SLC1A2: variants seen among roughly 807,000 people sequenced by gnomAD.
SLC1A2 encodes solute carrier family 1 member 2.
Under a neutral mutation model 48.8 loss-of-function variants are expected in SLC1A2, and 15 were observed. The observed-to-expected ratio is 0.31, with a 90% confidence interval of 0.21 to 0.47. The LOEUF (loss-of-function observed/expected upper bound fraction) is 0.47, where lower values mean the gene tolerates loss of function less well. Among genes scored for constraint, SLC1A2 ranks in the 20% least tolerant of loss-of-function variants. The probability of loss-of-function intolerance (pLI) is 0.99; values close to 1 mark genes in which losing one functional copy is unlikely to be tolerated. For synonymous variants in SLC1A2, 279 were observed against 272.6 expected, an observed-to-expected ratio of 1.02 and a Z score of -0.23; for missense variants, 502 against 730.5, an observed-to-expected ratio of 0.69 and a Z score of 3.61.
At chr11:35,352,642 C>A (rs1011555208) in intron 1 of SLC1A2, among the ~76,000 whole-genome samples, 1 of 152,192 alleles carries the variant, frequency 6.6e-6, no homozygotes, top group African/African-American at 2.4e-5. Flanking sequence ...TATTCTCACC[C>A]CTGTCTAGAA....
chr11:35,360,841 C>T (rs1004261593), intron 1 of SLC1A2, among the ~76,000 whole-genome samples: 2 of 152,186 alleles, frequency 1.3e-5, no homozygotes, highest in South Asian at 4.2e-4. Context: ...CACTAATCAC[C>T]TAAAATGTTC....
chr11:35,361,170 C>G (rs917458927), intron 1 of SLC1A2, among the ~76,000 whole-genome samples: 1 of 152,170 alleles, frequency 6.6e-6, no homozygotes, highest in African/African-American at 2.4e-5. Context: ...GCCACCATGA[C>G]TGGCCTGCTC....
chr11:35,261,806 AC>A (rs760342821), intron 10 of SLC1A2: 1 of 398,430 alleles, frequency 2.5e-6, no homozygotes, highest in Non-Finnish European at 4.4e-6. Flanking sequence ...AAGAAATCTG[AC>A]TTTCTTCTTA....
intron 1 of SLC1A2, among the ~76,000 whole-genome samples, chr11:35,341,323 A>G (rs1425623081): frequency 6.6e-6 from 1 of 152,176 alleles, no homozygotes; most frequent in Non-Finnish European, 1.5e-5. Context: ...AGTATTTACT[A>G]CCTACCAATA....
intron 9 of SLC1A2, among the ~76,000 whole-genome samples, chr11:35,271,788 A>G (rs1850286660): frequency 6.6e-6 from 1 of 152,176 alleles, no homozygotes; most frequent in African/African-American, 2.4e-5. Context: ...GGTTGCAGTG[A>G]GCCATGATAG....
At position 35,256,786 on chromosome 11, in the gene SLC1A2, T is replaced by A. The variant is rs12361171; in HGVS notation, c.*4108A>T. 50,694 of 151,260 alleles carry A rather than the reference T, an allele frequency of 0.34. 9,473 individuals carry two copies. Among genetic ancestry groups the A allele is most frequent in the South Asian group, 0.54 (2,570 of 4,792 alleles). 9.4% of individuals were successfully genotyped at this position (151,260 alleles called of 1,614,324 possible). On this transcript the variant is annotated 3_prime_UTR_variant, in exon 11 of 11. Transcript: ENST00000278379. ...TCAGACAACTAGATAGCCGTAAGAG[T>A]TAGAGAGCAGCTAGGTGAGAAAAAT...
At chr11:35,318,569 A>G (rs1167866704) in intron 1 of SLC1A2, among the ~76,000 whole-genome samples, 1 of 152,158 alleles carries the variant, frequency 6.6e-6, no homozygotes, top group Non-Finnish European at 1.5e-5. Flanking sequence ...CTTCCTTTGG[A>G]ACCAACACCG....
At chr11:35,409,341 C>T (rs148464415) in intron 1 of SLC1A2, among the ~76,000 whole-genome samples, 5 of 152,306 alleles carry the variant, frequency 3.3e-5, no homozygotes, top group African/African-American at 1.2e-4. Context: ...GGAAATAACA[C>T]TTGCAGGAGT....
intron 1 of SLC1A2, among the ~76,000 whole-genome samples, chr11:35,373,752 G>A (rs1381030153): frequency 6.6e-6 from 1 of 152,176 alleles, no homozygotes; most frequent in African/African-American, 2.4e-5. Context: ...CCATGATACA[G>A]AGCACTGGGT....
rs185414828 is a variant in SLC1A2 at position 35,317,761 on chromosome 11, C to T, written c.18-245G>A. On this transcript the variant is annotated intron_variant, in intron 1 of 10. Transcript: ENST00000278379. ...AATGGTAGGATCTTCCAAAGAGTTG[C>T]CCCCCGTGGTAACTTGGGGAAGGAA... Among the ~76,000 whole-genome samples the T allele has an allele frequency of 3.0e-4, 45 of 152,270 alleles. No homozygotes were observed. In the South Asian group the frequency reaches 8.7e-3, roughly 29 times the overall value.
chr11:35,307,055 A>T (rs930211885), intron 4 of SLC1A2: 1 of 152,118 alleles, frequency 6.6e-6, no homozygotes, highest in African/African-American at 2.4e-5. Context: ...TGGTCCTTCC[A>T]GTTGTGATGG....
At chr11:35,303,650 A>G (rs1851418857) in intron 5 of SLC1A2, among the ~76,000 whole-genome samples, 1 of 152,192 alleles carries the variant, frequency 6.6e-6, no homozygotes, top group East Asian at 1.9e-4. Flanking sequence ...TCAAGGTCCC[A>G]AAGAACTGGA....
At chr11:35,405,594 AGAG>A (rs1855263372) in intron 1 of SLC1A2, among the ~76,000 whole-genome samples, 1 of 152,218 alleles carries the variant, frequency 6.6e-6, no homozygotes, top group South Asian at 2.1e-4. Flanking sequence ...TGGGAAAGAC[AGAG>A]GATGGGCTCA....
At chr11:35,402,830 C>G (rs1467891717) in intron 1 of SLC1A2, among the ~76,000 whole-genome samples, 2 of 152,192 alleles carry the variant, frequency 1.3e-5, no homozygotes, top group Non-Finnish European at 2.9e-5. Context: ...GAAGTAAAAA[C>G]AGTTATGGAT....
chr11:35,338,344 T>C (rs1398845719), intron 1 of SLC1A2, among the ~76,000 whole-genome samples: 1 of 152,184 alleles, frequency 6.6e-6, no homozygotes, highest in Non-Finnish European at 1.5e-5. Flanking sequence ...TGCTTGCTAC[T>C]CTTTTGGTTC....
chr11:35,312,368 C>G lies in SLC1A2; in HGVS notation c.391G>C (p.Ala131Pro). Residue 131 changes from alanine (A) to proline (P), a missense_variant, in exon 4 of 11, where the codon GCT becomes CCT. Around this residue, in one of 4 missense-constraint regions of SLC1A2, gnomAD observed 309 missense variants for 480.3 expected, o/e 0.64. Coordinates refer to ENST00000278379, the MANE Select transcript of SLC1A2 (RefSeq NM_004171.4). ...MVYYMSTTII[A>P]AVLGVILVLA... is the part of the protein sequence containing the mutation. ...ACCAGAATGACCCCCAGTACTGCAG[C>G]AATGATGGTCGTGGACATGTAATAC... is the stretch of plus-strand genomic sequence containing the variant. 6.2e-7 allele frequency: 1 copy of G among 1,614,146 alleles called. No individual in the cohort carries two copies. The highest frequency in any genetic ancestry group is 1.1e-5 in the South Asian group (1 of 91,082).
chr11:35,360,976 A>T (rs1415363056), intron 1 of SLC1A2, among the ~76,000 whole-genome samples: 1 of 152,050 alleles, frequency 6.6e-6, no homozygotes, highest in East Asian at 1.9e-4. Context: ...CCCGGGCTCA[A>T]GTGATTTTCC....
intron 1 of SLC1A2, among the ~76,000 whole-genome samples, chr11:35,374,911 TCA>T (rs1854177667): frequency 6.6e-6 from 1 of 152,214 alleles, no homozygotes; most frequent in Admixed American, 6.5e-5. Flanking sequence ...ATGTGTATAG[TCA>T]GTTCTTAATG....
intron 1 of SLC1A2, among the ~76,000 whole-genome samples, chr11:35,367,825 A>G (rs1325968117): frequency 1.3e-5 from 2 of 152,238 alleles, no homozygotes; most frequent in Non-Finnish European, 2.9e-5. Flanking sequence ...TTTGTACTCC[A>G]GTAAGTGTAT....
Sources: allele counts gnomAD v4.1 joint callset (sites outside exome capture counted in the v4.1 genomes callset), GRCh38; gene constraint gnomAD v4.1.1; regional missense constraint gnomAD v4.1.1; transcripts MANE v1.5; gene names NCBI Gene and HGNC (gene_info 2026-07-23, HGNC 2026-07-21).